Variants in SLC22A3 observed in about 807,000 individuals in gnomAD.
SLC22A3 encodes solute carrier family 22 member 3.
SLC22A3 carries 51 observed loss-of-function variants against 59.1 expected under a neutral mutation model. The observed-to-expected ratio is 0.86, with a 90% CI of 0.69 to 1.09. The LOEUF (loss-of-function observed/expected upper bound fraction) is 1.09. SLC22A3 is among the 50% of genes least tolerant of loss of function. SLC22A3 has a pLI of 0.00. For synonymous variants in SLC22A3, 325 were observed against 292.0 expected (o/e 1.11, Z -1.15); for missense variants, 711 against 726.3 (o/e 0.98, Z 0.24).
At position 160,348,728 on chromosome 6, in the gene SLC22A3, C is replaced by A. The variant is rs918870271; in HGVS notation, c.309C>A (p.Ser103=). The part of the protein sequence containing the change: ...YLLEAANDSA[S]ATSALSCADP... ...TGGAGGCGGCCAACGACAGCGCCTC[C>A]GCCACTAGCGCTCTCAGCTGCGCGG... The change falls in exon 1 of 11, where the codon TCC becomes TCA. Residue 103 remains serine, a synonymous_variant. Coordinates refer to ENST00000275300, the MANE Select transcript of SLC22A3 (RefSeq NM_021977.4). 6.5e-7 allele frequency: 1 copy of A among 1,528,294 alleles called. No homozygotes were observed. Among genetic ancestry groups the A allele is most frequent in the South Asian group, 1.2e-5 (1 of 83,372 alleles). The allele number at this position is 1,528,294 out of a possible 1,614,324, so 94.7% of individuals were successfully genotyped here. A position where few individuals can be genotyped will look rare whatever the true frequency, so the allele number is the denominator to read the frequency against.
intron 1 of SLC22A3, among the ~76,000 whole-genome samples, chr6:160,378,082 C>A (rs1265630514): frequency 6.6e-6 from 1 of 152,170 alleles, no homozygotes; most frequent in Non-Finnish European, 1.5e-5. Context: ...AAAGCCCCAG[C>A]CTTCAAGATT....
intron 4 of SLC22A3, among the ~76,000 whole-genome samples, chr6:160,410,463 T>C (rs1787199992): frequency 6.6e-6 from 1 of 152,234 alleles, no homozygotes; most frequent in Non-Finnish European, 1.5e-5. Context: ...ATGGAATCAA[T>C]ATATTGTAAG....
chr6:160,362,740 G>A (rs1391584913), intron 1 of SLC22A3, among the ~76,000 whole-genome samples: 1 of 152,224 alleles, frequency 6.6e-6, no homozygotes, highest in African/African-American at 2.4e-5. Context: ...TTCTGGCATT[G>A]TGGGTTCCCC....
At chr6:160,426,113 T>C in intron 5 of SLC22A3, 1 of 985,428 alleles carries the variant, frequency 1.0e-6, no homozygotes, top group Non-Finnish European at 1.2e-6. Flanking sequence ...CATTACATGA[T>C]TGTGATCTTT....
intron 2 of SLC22A3, among the ~76,000 whole-genome samples, chr6:160,404,076 A>G (rs1383843281): frequency 6.6e-6 from 1 of 152,030 alleles, no homozygotes; most frequent in East Asian, 1.9e-4. Flanking sequence ...CTAATACAAT[A>G]AATAAGACAA....
At chr6:160,420,096 CA>C (rs1787665194) in intron 5 of SLC22A3, among the ~76,000 whole-genome samples, 1 of 152,186 alleles carries the variant, frequency 6.6e-6, no homozygotes, top group Admixed American at 6.5e-5. Flanking sequence ...GCATGGTGCC[CA>C]GCACTCATTT....
chr6:160,426,445 C>A, intron 5 of SLC22A3: 1 of 743,026 alleles, frequency 1.3e-6, no homozygotes. Flanking sequence ...TTTCTTCTCC[C>A]TTTCCTCCTC....
Position 160,437,062 on chromosome 6 carries a change from A to C in SLC22A3, c.1139A>C (p.Tyr380Ser). 2 of 1,614,144 alleles carry C rather than the reference A, an allele frequency of 1.2e-6. No homozygotes were observed. The highest frequency in any genetic ancestry group is 2.2e-5 in the South Asian group (2 of 91,082). ...MRLGIIGGNL[Y>S]IDFFISGVVE... ...CTGGGAATTATAGGGGGCAACCTCT[A>C]TATAGACTTTTTCATCTCGGGCGTG... The change falls in exon 7 of 11, where the codon TAT becomes TCT. Residue 380 changes from tyrosine (Y) to serine (S), a missense_variant. Coordinates refer to ENST00000275300, the MANE Select transcript of SLC22A3 (RefSeq NM_021977.4).
rs1784626133 is a variant in SLC22A3 at position 160,350,584 on chromosome 6, A to AT, written c.429+1737dup. The stretch of plus-strand genomic sequence containing the variant: ...TTCCCAAGTGAACCAGAGGACCCAC[A>AT]TGGAGGGCAGACAGCTGATTTTTGG... On this transcript the variant is annotated intron_variant, in intron 1 of 10. Coordinates refer to ENST00000275300, the MANE Select transcript of SLC22A3 (RefSeq NM_021977.4). 7.2e-5 allele frequency among the ~76,000 whole-genome samples: 11 copies of AT among 152,318 alleles called. 1 individual carries two copies. The South Asian group carries it at 2.3e-3, about 32-fold the overall frequency.
chr6:160,353,691 C>T (rs1376475551), intron 1 of SLC22A3, among the ~76,000 whole-genome samples: 2 of 152,214 alleles, frequency 1.3e-5, no homozygotes, highest in East Asian at 1.9e-4. Flanking sequence ...TGTGCATTCT[C>T]GGGTCGCACA....
At chr6:160,374,669 G>A (rs1207915868) in intron 1 of SLC22A3, among the ~76,000 whole-genome samples, 2 of 152,252 alleles carry the variant, frequency 1.3e-5, no homozygotes, top group East Asian at 3.9e-4. Flanking sequence ...CTTTGGAGAT[G>A]GGGGGCATTT....
intron 4 of SLC22A3, 101 bp from the exon 5 acceptor site, chr6:160,410,628 T>C: frequency 2.6e-6 from 2 of 776,586 alleles, no homozygotes; most frequent in African/African-American, 3.4e-5. Context: ...CCTAAATGTA[T>C]ATCTAATTGC....
intron 1 of SLC22A3, among the ~76,000 whole-genome samples, chr6:160,363,721 C>T (rs1031583475): frequency 1.3e-5 from 2 of 152,202 alleles, no homozygotes; most frequent in Admixed American, 6.5e-5. Flanking sequence ...TCCCCTGCCA[C>T]CATCTTTTGT....
chr6:160,416,173 A>G (rs746432916), intron 5 of SLC22A3, among the ~76,000 whole-genome samples: 2 of 152,210 alleles, frequency 1.3e-5, no homozygotes, highest in Non-Finnish European at 2.9e-5. Flanking sequence ...TTGAAGAGAT[A>G]GCTAGCACTA....
At chr6:160,364,624 T>C (rs763952787) in intron 1 of SLC22A3, among the ~76,000 whole-genome samples, 26 of 152,180 alleles carry the variant, frequency 1.7e-4, no homozygotes, top group Non-Finnish European at 2.8e-4. Flanking sequence ...AAGTACCTAT[T>C]GATGATCTCT....
chr6:160,352,820 T>TTTTTG (rs754118924), intron 1 of SLC22A3, among the ~76,000 whole-genome samples: 3 of 152,026 alleles, frequency 2.0e-5, no homozygotes, highest in South Asian at 2.1e-4. Flanking sequence ...GTGTAATAGG[T>TTTTTG]TTTTGTTTTG....
chr6:160,366,734 G>A (rs979277939), intron 1 of SLC22A3, among the ~76,000 whole-genome samples: 3 of 152,042 alleles, frequency 2.0e-5, no homozygotes, highest in Admixed American at 6.5e-5. Flanking sequence ...GGAGGTTCTC[G>A]AACCTCAATT....
At position 160,451,160 on chromosome 6, in the gene SLC22A3, G is replaced by A. The variant is rs542142109; in HGVS notation, c.*104G>A. The A allele has an allele frequency of 1.5e-4, 154 of 1,024,458 alleles. No homozygotes were observed. Among genetic ancestry groups the A allele is most frequent in the South Asian group, 1.2e-3 (88 of 73,448 alleles). The allele number at this position is 1,024,458 out of a possible 1,614,324, so 63.5% of individuals were successfully genotyped here. A position where few individuals can be genotyped will look rare whatever the true frequency, so the allele number is the denominator to read the frequency against. On this transcript the variant is annotated 3_prime_UTR_variant, in exon 11 of 11. Transcript: ENST00000275300. ...GTGTGCATTTCAGCTACATCATGCCGCGCTGTTGTAATACTGTATAAAGAC... is the reference window on the plus strand; with the variant it reads ...GTGTGCATTTCAGCTACATCATGCCACGCTGTTGTAATACTGTATAAAGAC...
chr6:160,410,282 G>C (rs1036014038), intron 4 of SLC22A3, among the ~76,000 whole-genome samples: 2 of 152,168 alleles, frequency 1.3e-5, no homozygotes, highest in African/African-American at 4.8e-5. Context: ...CTCCCAAAAG[G>C]CTGGGATTAC....
Sources: gnomAD v4.1 joint callset for allele counts (sites outside exome capture counted in the v4.1 genomes callset) on GRCh38, gnomAD v4.1.1 for gene constraint, MANE v1.5 for transcripts, NCBI Gene and HGNC (gene_info 2026-07-23, HGNC 2026-07-21) for gene names.